The following ITGA11 variants were observed in gnomAD, a reference collection of about 807,000 sequenced individuals.
ITGA11 encodes integrin alpha-11.
Under a neutral mutation model 141.9 loss-of-function variants are expected in ITGA11, and 97 were observed. That is an observed-to-expected ratio of 0.68 (90% CI 0.58 to 0.81). ITGA11 has a LOEUF of 0.81. Among genes scored for constraint, ITGA11 ranks in the 30% least tolerant of loss-of-function variants. The pLI is 0.00. For missense variants in ITGA11, 1,387 were observed against 1,559.2 expected, an observed-to-expected ratio of 0.89 and a Z score of 1.86; for synonymous variants, 658 against 624.6, an observed-to-expected ratio of 1.05 and a Z score of -0.80.
At chr15:68,403,324 G>A (rs1403132772) in intron 1 of ITGA11, among the ~76,000 whole-genome samples, 1 of 152,176 alleles carries the variant, frequency 6.6e-6, no homozygotes, top group African/African-American at 2.4e-5. Context: ...AATGTTGGAG[G>A]TAGGGCATGG....
chr15:68,364,810 G>A lies in ITGA11; in HGVS notation c.266-12C>T. 1.9e-6 allele frequency: 3 copies of A among 1,612,876 alleles called. No homozygotes were observed. Among genetic ancestry groups the A allele is most frequent in the East Asian group, 2.2e-5 (1 of 44,876 alleles). On this transcript the variant is annotated splice_polypyrimidine_tract_variant and intron_variant, in intron 3 of 29. Transcript: ENST00000315757. Reference sequence around the variant, plus strand: ...CAGGGTGACCCTTCCTGGGGTTGGGGGAGAAGTTCAGCTTGCAGCCCCCTC... The same window carrying A: ...CAGGGTGACCCTTCCTGGGGTTGGGAGAGAAGTTCAGCTTGCAGCCCCCTC...
intron 2 of ITGA11, among the ~76,000 whole-genome samples, chr15:68,396,185 G>C (rs577962514): frequency 6.6e-6 from 1 of 152,080 alleles, no homozygotes; most frequent in Admixed American, 6.6e-5. Context: ...GGGAGAATAC[G>C]TGGTGACCAA....
intron 1 of ITGA11, among the ~76,000 whole-genome samples, chr15:68,417,468 A>G (rs1173017986): frequency 6.6e-6 from 1 of 152,058 alleles, no homozygotes; most frequent in East Asian, 1.9e-4. Flanking sequence ...TTAGACTTGC[A>G]CTAGAGTTTT....
At chr15:68,375,639 C>T (rs1459091533) in intron 2 of ITGA11, among the ~76,000 whole-genome samples, 3 of 152,296 alleles carry the variant, frequency 2.0e-5, no homozygotes, top group South Asian at 2.1e-4. Flanking sequence ...GGCCTGGCCT[C>T]GTGGGGGCTA....
rs888831092 is a variant in ITGA11, at chr15:68,305,724, C to G, written c.3381+1624G>C. 3.9e-5 allele frequency among the ~76,000 whole-genome samples: 6 copies of G among 152,190 alleles called. No individual in the cohort carries two copies. The highest frequency in any genetic ancestry group is 7.3e-5 in the Non-Finnish European group (5 of 68,040). ...ACAGTGCCTCACAGTGTTGAGAGGTCTGTCACCATGTTCAGCACACAGCTG... is the reference window on the plus strand; with the variant it reads ...ACAGTGCCTCACAGTGTTGAGAGGTGTGTCACCATGTTCAGCACACAGCTG... On this transcript the variant is annotated intron_variant, in intron 28 of 29. Coordinates refer to ENST00000315757, the MANE Select transcript of ITGA11 (RefSeq NM_001004439.2). The surrounding 1 kb of genome is among the most constrained non-coding windows in gnomAD (Gnocchi z 4.6).
chr15:68,326,866 C>G lies in ITGA11; in HGVS notation c.2069-70G>C, dbSNP rs747970685. ...CCCATCCAAGACTGTCTGCCTCCTC[C>G]AGGAAGCCCCCCAGGCTGGCCAGGG... is the stretch of plus-strand genomic sequence containing the variant. On this transcript the variant is annotated intron_variant, in intron 16 of 29. Transcript: ENST00000315757. The surrounding 1 kb of genome is among the most constrained non-coding windows in gnomAD (Gnocchi z 6.8). 84 of 1,488,480 alleles carry G rather than the reference C, an allele frequency of 5.6e-5. No homozygotes were observed. Among genetic ancestry groups the G allele is most frequent in the Non-Finnish European group, 6.9e-5 (77 of 1,108,554 alleles). 92.2% of individuals were successfully genotyped at this position (1,488,480 alleles called of 1,614,324 possible). A position where few individuals can be genotyped will look rare whatever the true frequency, so the allele number is the denominator to read the frequency against.
chr15:68,352,724 T>A (rs1894953058), intron 7 of ITGA11, among the ~76,000 whole-genome samples: 1 of 152,238 alleles, frequency 6.6e-6, no homozygotes, highest in Non-Finnish European at 1.5e-5. Flanking sequence ...TCTCACTTTT[T>A]ATTTTGTTTT....
intron 2 of ITGA11, among the ~76,000 whole-genome samples, chr15:68,396,931 T>TAA (rs1896262116): frequency 3.3e-5 from 1 of 30,536 alleles, no homozygotes; most frequent in African/African-American, 1.5e-4. Context: ...TATTATATAA[T>TAA]ATATAATATA....
intron 5 of ITGA11, among the ~76,000 whole-genome samples, chr15:68,359,386 C>T (rs1333380648): frequency 6.6e-6 from 1 of 152,114 alleles, no homozygotes; most frequent in Non-Finnish European, 1.5e-5. Context: ...TGGCTCACAC[C>T]CATAATCCCA....
intron 1 of ITGA11, among the ~76,000 whole-genome samples, chr15:68,403,494 C>A (rs548926500): frequency 6.6e-6 from 1 of 152,172 alleles, no homozygotes; most frequent in African/African-American, 2.4e-5. Context: ...GCATGTGACA[C>A]GCTGGCTCGC....
chr15:68,348,181 C>A (rs1343458420), intron 10 of ITGA11, among the ~76,000 whole-genome samples: 1 of 152,198 alleles, frequency 6.6e-6, no homozygotes, highest in Non-Finnish European at 1.5e-5. Flanking sequence ...GGGAGTGATG[C>A]AGAGCCCCAG....
chr15:68,361,582 C>CCTCTG lies in ITGA11; in HGVS notation c.472+7_472+8insCAGAG. The CCTCTG allele has an allele frequency of 6.3e-7, 1 of 1,581,148 alleles. No individual in the cohort carries two copies. The highest frequency in any genetic ancestry group is 8.6e-7 in the Non-Finnish European group (1 of 1,159,192). Reference sequence around the variant, plus strand: ...TCAGCTTGAGGTTGCAGATTTGAAGCCACTTACTTTGGAGAGCTGGGGCCA... The same window carrying CCTCTG: ...TCAGCTTGAGGTTGCAGATTTGAAGCCTCTGCACTTACTTTGGAGAGCTGGGGCCA... On this transcript the variant is annotated splice_region_variant and intron_variant, in intron 5 of 29. Transcript: ENST00000315757.
rs374744596 is a variant in ITGA11 at position 68,361,693 on chromosome 15, G to C, written c.369C>G (p.Pro123=). 2.5e-6 allele frequency: 4 copies of C among 1,604,830 alleles called. No individual in the cohort carries two copies. Among genetic ancestry groups the C allele is most frequent in the Middle Eastern group, 1.7e-4 (1 of 6,020 alleles). ...PKDNSFLACS[P]LWSHECGSSY... ...AGCTCCCACACTCATGAGACCAGAG[G>C]GGGCTGCAGGCCTGGGGAGGGCAGT... is the stretch of plus-strand genomic sequence containing the variant. Residue 123 remains proline (P), a synonymous_variant, in exon 5 of 30, where the codon CCC becomes CCG. Transcript: ENST00000315757.
At chr15:68,345,399 T>C (rs1489059571) in intron 10 of ITGA11, among the ~76,000 whole-genome samples, 1 of 152,182 alleles carries the variant, frequency 6.6e-6, no homozygotes, top group African/African-American at 2.4e-5. Flanking sequence ...TGTAATGTTT[T>C]GGGGCCCTGG....
At position 68,325,434 on chromosome 15, in the gene ITGA11, AG is replaced by A. The variant is rs1279727035; in HGVS notation, c.2212-194del. ...GGTGGGAAGAGTGTGCTTCTGTGAA[AG>A]GAGCTCCAAGCTCAGCTCATGCCAA... is the stretch of plus-strand genomic sequence containing the variant. On this transcript the variant is annotated intron_variant, in intron 17 of 29. Coordinates refer to ENST00000315757, the MANE Select transcript of ITGA11 (RefSeq NM_001004439.2). This position sits in a 1 kb window ranked among gnomAD's most constrained non-coding sequence, Gnocchi z 5.5. 1.3e-5 allele frequency among the ~76,000 whole-genome samples: 2 copies of A among 151,968 alleles called. No individual in the cohort carries two copies. Among genetic ancestry groups the A allele is most frequent in the Non-Finnish European group, 2.9e-5 (2 of 67,976 alleles).
intron 2 of ITGA11, among the ~76,000 whole-genome samples, chr15:68,400,410 T>C (rs1343273743): frequency 2.0e-5 from 3 of 149,658 alleles, no homozygotes; most frequent in Non-Finnish European, 4.4e-5. Flanking sequence ...TAAAAAATAT[T>C]GATAAATTAG....
chr15:68,331,110 C>A lies in ITGA11; in HGVS notation c.1772G>T (p.Arg591Ile). The change falls in exon 15 of 30, where the codon AGA becomes ATA. Residue 591 changes from arginine to isoleucine, a missense_variant and splice_region_variant. Coordinates refer to ENST00000315757, the MANE Select transcript of ITGA11 (RefSeq NM_001004439.2). ...GGTAGCCAGCTCTGAGGCTGTGATT[C>A]TCTGCAGGGCGCGGGAAGAGAGGGG... is the stretch of plus-strand genomic sequence containing the variant. The part of the protein sequence containing the change: ...RGSILKTPKQ[R>I]ITASELATGL... 6.3e-7 allele frequency: 1 copy of A among 1,590,956 alleles called. No individual in the cohort carries two copies. The highest frequency in any genetic ancestry group is 8.6e-7 in the Non-Finnish European group (1 of 1,169,066).
chr15:68,362,400 C>T (rs545339507), intron 4 of ITGA11, among the ~76,000 whole-genome samples: 13 of 152,206 alleles, frequency 8.5e-5, no homozygotes, highest in Non-Finnish European at 1.5e-4. Context: ...ATTCTACTTC[C>T]GATCCCTTTC....
At position 68,364,747 on chromosome 15, in the gene ITGA11, C is replaced by G; in HGVS notation, c.317G>C (p.Gly106Ala). 6.2e-7 allele frequency: 1 copy of G among 1,612,746 alleles called. No homozygotes were observed. The highest frequency in any genetic ancestry group is 8.5e-7 in the Non-Finnish European group (1 of 1,179,266). Residue 106 changes from glycine to alanine, a missense_variant, in exon 4 of 30, where the codon GGC (glycine) becomes GCC (alanine). Transcript: ENST00000315757. ...CTTGGGGTTGGTGGCGAGACTAAGG[C>G]CGAGGCGCATGTTGTCTTTCCGCTC... ...VSERKDNMRL[G>A]LSLATNPKDN...
Sources: allele counts gnomAD v4.1 joint callset (sites outside exome capture counted in the v4.1 genomes callset), GRCh38; gene constraint gnomAD v4.1.1; non-coding constraint Gnocchi (gnomAD v3.1); transcripts MANE v1.5; gene names NCBI Gene and HGNC (gene_info 2026-07-23, HGNC 2026-07-21).